Variants in SERPINE2 observed in about 807,000 individuals in gnomAD.
SERPINE2 encodes the protein serpin family E member 2.
In SERPINE2, 14 loss-of-function variants were observed where a neutral mutation model predicts 36.3. The ratio of observed to expected loss-of-function variants is 0.39; its 90% CI spans 0.25 to 0.60. The LOEUF (loss-of-function observed/expected upper bound fraction) is 0.60. Among genes scored for constraint, SERPINE2 ranks in the 20% least tolerant of loss-of-function variants. The pLI is 0.57. For missense variants in SERPINE2, 418 were observed against 499.6 expected, an observed-to-expected ratio of 0.84 and a Z score of 1.56; for synonymous variants, 192 against 191.8, an observed-to-expected ratio of 1.00 and a Z score of -0.01.
At chr2:224,026,485 C>T (rs1331432443) in intron 1 of SERPINE2, among the ~76,000 whole-genome samples, 3 of 152,126 alleles carry the variant, frequency 2.0e-5, no homozygotes, top group Non-Finnish European at 4.4e-5. Context: ...GAATTTCAGG[C>T]GAATTTGCCT....
intron 4 of SERPINE2, among the ~76,000 whole-genome samples, chr2:223,988,402 G>A (rs1690522557): frequency 6.6e-6 from 1 of 152,066 alleles, no homozygotes; most frequent in South Asian, 2.1e-4. Context: ...GAACTCCCAG[G>A]CTCAAGCCAT....
At chr2:224,023,985 G>C (rs1463281559) in intron 1 of SERPINE2, among the ~76,000 whole-genome samples, 9 of 152,200 alleles carry the variant, frequency 5.9e-5, no homozygotes, top group Admixed American at 3.3e-4. Flanking sequence ...GAAAGAGTTT[G>C]AACTGGGTAC....
chr2:224,007,736 T>C (rs544225920), intron 1 of SERPINE2, among the ~76,000 whole-genome samples: 1 of 152,344 alleles, frequency 6.6e-6, no homozygotes, highest in African/African-American at 2.4e-5. Flanking sequence ...TGTTTGTTTG[T>C]TTCATCTTCC....
intron 1 of SERPINE2, among the ~76,000 whole-genome samples, chr2:224,024,388 T>C (rs1044544972): frequency 2.6e-5 from 4 of 152,262 alleles, no homozygotes; most frequent in Non-Finnish European, 1.5e-5. Context: ...GTTCCGAACC[T>C]GGATTTAGTC....
rs374860468 is a variant in SERPINE2 at position 223,998,305 on chromosome 2, G to A, written c.297C>T (p.Ile99=). The change falls in exon 3 of 9, where the codon ATC becomes ATT. Residue 99 remains isoleucine (I), a synonymous_variant. Coordinates refer to ENST00000409304, the MANE Select transcript of SERPINE2 (RefSeq NM_001136528.2). Reference sequence around the variant, plus strand: ...CAATGTCTTTATTCTTCTTGGAGACGATGGCCTTGTTGATCTTCTTTAATA... The same window carrying A: ...CAATGTCTTTATTCTTCTTGGAGACAATGGCCTTGTTGATCTTCTTTAATA... ...GKILKKINKA[I]VSKKNKDIVT... is the part of the protein sequence containing the mutation. 15 of 1,613,742 alleles carry A rather than the reference G, an allele frequency of 9.3e-6. No homozygotes were observed. The highest frequency in any genetic ancestry group is 8.9e-5 in the East Asian group (4 of 44,888).
In SERPINE2 at chr2:223,976,818, A is replaced by C. The variant is rs1229243182; in HGVS notation, c.1156+726T>G. 2.0e-5 allele frequency among the ~76,000 whole-genome samples: 3 copies of C among 152,344 alleles called. No homozygotes were observed. In the East Asian group the frequency reaches 5.8e-4, roughly 29 times the overall value. On this transcript the variant is annotated intron_variant, in intron 8 of 8. Transcript: ENST00000409304. ...AACAATTCCCAAGGTATAACAATAG[A>C]GTGGGCTTACAAAGTGGTATGGTTT...
intron 1 of SERPINE2, among the ~76,000 whole-genome samples, chr2:224,018,432 A>G (rs1030291123): frequency 6.6e-6 from 1 of 152,112 alleles, no homozygotes; most frequent in African/African-American, 2.4e-5. Context: ...TGGATGAAAT[A>G]CCTCATATAG....
In SERPINE2 at chr2:223,982,800, T is replaced by C. The variant is rs1006042905; in HGVS notation, c.885-19A>G. 4 of 1,580,476 alleles carry C rather than the reference T, an allele frequency of 2.5e-6. No individual in the cohort carries two copies. The highest frequency in any genetic ancestry group is 1.7e-4 in the Middle Eastern group (1 of 5,926). ...TGTGAACCTAGCATGAAAGCAGAAA[T>C]GGAGAAAAAAAATCACGAGGCTATA... is the stretch of plus-strand genomic sequence containing the variant. On this transcript the variant is annotated intron_variant, in intron 5 of 8. Transcript: ENST00000409304.
chr2:224,025,537 G>T (rs376252673), intron 1 of SERPINE2, among the ~76,000 whole-genome samples: 2 of 152,272 alleles, frequency 1.3e-5, no homozygotes, highest in South Asian at 2.1e-4. Flanking sequence ...TAAACTTTAT[G>T]ACTCACATGA....
rs144337930 is a variant in SERPINE2, at chr2:224,023,955, A to C, written c.-23+15144T>G. 4.2e-4 allele frequency among the ~76,000 whole-genome samples: 64 copies of C among 152,322 alleles called. 4 individuals carry two copies. In the East Asian group the frequency reaches 0.012, roughly 29 times the overall value. On this transcript the variant is annotated intron_variant, in intron 1 of 8. Transcript: ENST00000409304. ...TCAGTGTAACTTTTTGGCATGAATT[A>C]CACATAAAACAGTGACCCAGAAAGA... is the stretch of plus-strand genomic sequence containing the variant.
intron 2 of SERPINE2, among the ~76,000 whole-genome samples, chr2:224,000,473 C>T (rs1691071115): frequency 6.6e-6 from 1 of 152,138 alleles, no homozygotes; most frequent in Non-Finnish European, 1.5e-5. Flanking sequence ...TTGGGCCTTA[C>T]TTTAAAACAA....
intron 1 of SERPINE2, among the ~76,000 whole-genome samples, chr2:224,018,602 A>T (rs1691880418): frequency 6.6e-6 from 1 of 151,000 alleles, no homozygotes; most frequent in Admixed American, 6.6e-5. Context: ...AAAAAAAAAA[A>T]TAATAATAAA....
rs941536091 is a variant in SERPINE2 at position 224,039,203 on chromosome 2, C to G, written c.-127G>C. ...CGGGGAGTCGGAGGACGCAGCCAAG[C>G]GGCGGCGGCGAGGAGGGTCACAGCC... On this transcript the variant is annotated 5_prime_UTR_variant, in exon 1 of 9. Coordinates refer to ENST00000409304, the MANE Select transcript of SERPINE2 (RefSeq NM_001136528.2). The surrounding 1 kb of genome is among the most constrained non-coding windows in gnomAD (Gnocchi z 5.2). 6.6e-6 allele frequency: 1 copy of G among 151,020 alleles called. No homozygotes were observed. Among genetic ancestry groups the G allele is most frequent in the Non-Finnish European group, 1.5e-5 (1 of 67,676 alleles). The allele number at this position is 151,020 out of a possible 1,614,324, so 9.4% of individuals were successfully genotyped here.
At chr2:224,005,096 T>TATAA (rs1251441985) in intron 1 of SERPINE2, among the ~76,000 whole-genome samples, 32 of 132,002 alleles carry the variant, frequency 2.4e-4, no homozygotes, top group African/African-American at 8.7e-4. Context: ...TATATATATA[T>TATAA]AAAACATTGT....
intron 1 of SERPINE2, among the ~76,000 whole-genome samples, chr2:224,004,920 G>C (rs1699684539): frequency 6.7e-6 from 1 of 149,564 alleles, no homozygotes; most frequent in Non-Finnish European, 1.5e-5. Flanking sequence ...TTAGAATTTG[G>C]ATTCAGAAGA....
At chr2:223,977,667 GA>G in intron 7 of SERPINE2, 40 bp from the exon 8 acceptor site, 15 of 1,401,018 alleles carry the variant, frequency 1.1e-5, no homozygotes, top group Non-Finnish European at 1.4e-5. Flanking sequence ...CACATTACAT[GA>G]GACCATGTAA....
rs1462527396 is a variant in SERPINE2 at position 223,997,492 on chromosome 2, T to C, written c.487+623A>G. On this transcript the variant is annotated intron_variant, in intron 3 of 8. Coordinates refer to ENST00000409304, the MANE Select transcript of SERPINE2 (RefSeq NM_001136528.2). ...ACCTTGGCCTCCCAAAGTGCTGGGA[T>C]TACAGGTGTGAGCCACTGCACCTGG... 1.4e-4 allele frequency among the ~76,000 whole-genome samples: 22 copies of C among 152,230 alleles called. No individual in the cohort carries two copies. In the East Asian group the frequency reaches 4.2e-3, roughly 29 times the overall value.
Position 224,029,853 on chromosome 2 carries a change from C to G in SERPINE2, c.-23+9246G>C, listed in dbSNP as rs145265064. Reference sequence around the variant, plus strand: ...AGCTGGGATTACGGGCGTGCGTCACCATGCCCAGCTAATTTTTTGCATTTT... The same window carrying G: ...AGCTGGGATTACGGGCGTGCGTCACGATGCCCAGCTAATTTTTTGCATTTT... On this transcript the variant is annotated intron_variant, in intron 1 of 8. Transcript: ENST00000409304. Among the ~76,000 whole-genome samples, 878 of 152,310 alleles carry G rather than the reference C, an allele frequency of 5.8e-3. 8 individuals carry two copies. The highest frequency in any genetic ancestry group is 0.02 in the African/African-American group (823 of 41,560).
chr2:224,038,823 GC>G, intron 1 of SERPINE2: 1 of 350,086 alleles, frequency 2.9e-6, no homozygotes, highest in Admixed American at 4.8e-5. Flanking sequence ...CCCCGGGGCG[GC>G]CCCGCCTTGC....
Sources: allele counts gnomAD v4.1 joint callset (sites outside exome capture counted in the v4.1 genomes callset), GRCh38; gene constraint gnomAD v4.1.1; non-coding constraint Gnocchi (gnomAD v3.1); transcripts MANE v1.5; gene names NCBI Gene and HGNC (gene_info 2026-07-23, HGNC 2026-07-21).